DDX52: variants seen among roughly 807,000 people sequenced by gnomAD.
DDX52 encodes probable ATP-dependent RNA helicase DDX52.
DDX52 carries 59 observed loss-of-function variants against 76.1 expected under a neutral mutation model. The ratio of observed to expected loss-of-function variants is 0.78; its 90% CI spans 0.63 to 0.96. The LOEUF is 0.96. DDX52 is among the 40% of genes least tolerant of loss of function. DDX52 has a pLI of 0.00. For synonymous variants in DDX52, 231 were observed against 244.1 expected (o/e 0.95, Z 0.50); for missense variants, 707 against 703.9 (o/e 1.00, Z -0.05).
Position 37,612,045 on chromosome 17 carries a change from C to G in DDX52, c.*2251G>C, listed in dbSNP as rs1204593602. On this transcript the variant is annotated 3_prime_UTR_variant, in exon 15 of 15. Transcript: ENST00000617633. ...AATTTATTGAAGAAAAAATATATAT[C>G]TAATATATATAATACATAATATATA... 1.3e-5 allele frequency: 2 copies of G among 148,208 alleles called. No homozygotes were observed. The highest frequency in any genetic ancestry group is 3.0e-5 in the Non-Finnish European group (2 of 67,272). The allele number at this position is 148,208 out of a possible 1,614,324, so 9.2% of individuals were successfully genotyped here. A position where few individuals can be genotyped will look rare whatever the true frequency, so the allele number is the denominator to read the frequency against.
At chr17:37,637,283 C>T (rs2030976869) in intron 2 of DDX52, among the ~76,000 whole-genome samples, 1 of 152,006 alleles carries the variant, frequency 6.6e-6, no homozygotes, top group South Asian at 2.1e-4. Flanking sequence ...AGGCATGCGC[C>T]ACCACGTCCG....
chr17:37,623,658 A>G (rs1223870733), intron 9 of DDX52, among the ~76,000 whole-genome samples: 1 of 152,164 alleles, frequency 6.6e-6, no homozygotes, highest in Non-Finnish European at 1.5e-5. Flanking sequence ...AAAATCCTTC[A>G]AGGATCAGTT....
chr17:37,614,437 ATTT>A, intron 14 of DDX52, 84 bp from the exon 15 acceptor site: 1 of 1,322,508 alleles, frequency 7.6e-7, no homozygotes, highest in South Asian at 1.3e-5. Context: ...TTTAATAAAC[ATTT>A]ACTGAAACCT....
chr17:37,641,991 A>ACCTGAGTGCCATCAGCTG, intron 2 of DDX52, 119 bp downstream of exon 2: 1 of 1,242,076 alleles, frequency 8.1e-7, no homozygotes, highest in Non-Finnish European at 1.1e-6. Flanking sequence ...CCTGGAAACA[A>ACCTGAGTGCCATCAGCTG]CCTGAGTGCC....
intron 12 of DDX52, 101 bp from the exon 13 acceptor site, chr17:37,619,940 A>C (rs2029996835): frequency 9.1e-7 from 1 of 1,100,134 alleles, no homozygotes; most frequent in South Asian, 1.4e-5. Flanking sequence ...AAACTACACA[A>C]AGTAATCCAC....
At chr17:37,621,578 T>C (rs1286628095) in intron 9 of DDX52, 58 bp from the exon 10 acceptor site, 1 of 1,540,046 alleles carries the variant, frequency 6.5e-7, no homozygotes, top group Non-Finnish European at 8.7e-7. Flanking sequence ...TTGGTCATTA[T>C]TTCATAATTT....
At chr17:37,624,280 C>T in intron 9 of DDX52, 64 bp downstream of exon 9, 1 of 1,240,614 alleles carries the variant, frequency 8.1e-7, no homozygotes, top group Non-Finnish European at 1.2e-6. Context: ...CTGTAATAGC[C>T]TCCCACTAGT....
intron 2 of DDX52, among the ~76,000 whole-genome samples, chr17:37,636,716 A>T (rs2030945657): frequency 6.6e-6 from 1 of 152,202 alleles, no homozygotes; most frequent in South Asian, 2.1e-4. Context: ...GGGACAAAGA[A>T]ATCACCTGTT....
At chr17:37,622,545 C>T (rs537655911) in intron 9 of DDX52, among the ~76,000 whole-genome samples, 3 of 152,226 alleles carry the variant, frequency 2.0e-5, no homozygotes, top group South Asian at 2.1e-4. Context: ...CCGCCCGCTT[C>T]GGCCTCCCAA....
At chr17:37,637,598 G>T (rs750436401) in intron 2 of DDX52, among the ~76,000 whole-genome samples, 1 of 151,832 alleles carries the variant, frequency 6.6e-6, no homozygotes, top group Non-Finnish European at 1.5e-5. Context: ...TTTTGAGACC[G>T]AGTTTCACTC....
At chr17:37,640,056 T>C (rs1021300508) in intron 2 of DDX52, among the ~76,000 whole-genome samples, 1 of 152,230 alleles carries the variant, frequency 6.6e-6, no homozygotes, top group Non-Finnish European at 1.5e-5. Context: ...TACTATGCTG[T>C]GTTACAATGA....
At chr17:37,625,256 G>C (rs900745035) in intron 8 of DDX52, among the ~76,000 whole-genome samples, 4 of 152,134 alleles carry the variant, frequency 2.6e-5, no homozygotes, top group African/African-American at 9.7e-5. Context: ...GCCTCCCAAA[G>C]TGCTGTGATT....
intron 2 of DDX52, among the ~76,000 whole-genome samples, chr17:37,641,253 T>G (rs918895214): frequency 6.6e-6 from 1 of 151,394 alleles, no homozygotes; most frequent in Non-Finnish European, 1.5e-5. Flanking sequence ...ATACAAAAAA[T>G]TAGCCAGGTG....
chr17:37,627,107 G>C (rs557371365), intron 6 of DDX52, among the ~76,000 whole-genome samples: 2 of 152,198 alleles, frequency 1.3e-5, no homozygotes, highest in African/African-American at 2.4e-5. Flanking sequence ...CTCACTGCAT[G>C]CAACTTCAAA....
At position 37,610,149 on chromosome 17, in the gene DDX52, G is replaced by C. The variant is rs1465932069; in HGVS notation, c.*4147C>G. ...CTGATTTTTTTTTTTTTTGAGACAGGGTCTTGCTCTGTTGTCCAGGCTGGA... is the reference window on the plus strand; with the variant it reads ...CTGATTTTTTTTTTTTTTGAGACAGCGTCTTGCTCTGTTGTCCAGGCTGGA... On this transcript the variant is annotated 3_prime_UTR_variant, in exon 15 of 15. Transcript: ENST00000617633. 3.3e-5 allele frequency: 5 copies of C among 151,616 alleles called. No individual in the cohort carries two copies. The South Asian group carries it at 8.3e-4, about 25-fold the overall frequency. 9.4% of individuals were successfully genotyped at this position (151,616 alleles called of 1,614,324 possible).
intron 3 of DDX52, among the ~76,000 whole-genome samples, chr17:37,633,069 T>G (rs755378864): frequency 8.5e-5 from 13 of 152,188 alleles, no homozygotes; most frequent in Non-Finnish European, 1.3e-4. Flanking sequence ...GTCAAGAATT[T>G]TATATATGTA....
In DDX52 at chr17:37,621,108, G is replaced by GA. The variant is rs747593652; in HGVS notation, c.1501+18dup. 62 of 1,593,924 alleles carry GA rather than the reference G, an allele frequency of 3.9e-5. No homozygotes were observed. In the East Asian group the frequency reaches 5.4e-4, roughly 14 times the overall value. On this transcript the variant is annotated intron_variant, in intron 11 of 14. Transcript: ENST00000617633. ...AGATCAGTGGGTGACAGAGGGGAAG[G>GA]AAAAAAAAGACAACTCACCTATCCT...
chr17:37,620,461 T>C (rs1239058440), intron 12 of DDX52: 1 of 168,322 alleles, frequency 5.9e-6, no homozygotes, highest in African/African-American at 2.4e-5. Flanking sequence ...AACCAAAATA[T>C]TTACCAAAAC....
intron 8 of DDX52, 93 bp downstream of exon 8, chr17:37,625,802 C>T: frequency 1.4e-6 from 2 of 1,394,600 alleles, no homozygotes; most frequent in Non-Finnish European, 2.0e-6. Flanking sequence ...CCTTGCTAGT[C>T]TCAGGCCAAG....
Sources: allele counts gnomAD v4.1 joint callset (sites outside exome capture counted in the v4.1 genomes callset), GRCh38; gene constraint gnomAD v4.1.1; transcripts MANE v1.5; gene names NCBI Gene and HGNC (gene_info 2026-07-23, HGNC 2026-07-21).